Variants in ADARB2 observed in about 807,000 individuals in gnomAD.
The protein encoded by ADARB2 is adenosine deaminase RNA specific B2 (inactive).
A neutral mutation model predicts 62.2 loss-of-function variants in ADARB2; 25 were observed. The ratio of observed to expected loss-of-function variants is 0.40; its 90% CI spans 0.29 to 0.56. The LOEUF (loss-of-function observed/expected upper bound fraction) is 0.56. Among genes scored for constraint, ADARB2 ranks in the 20% least tolerant of loss-of-function variants. ADARB2 has a pLI of 0.43. For synonymous variants in ADARB2, 572 were observed against 500.8 expected (o/e 1.14, Z -1.90); for missense variants, 1,071 against 1,077.4 (o/e 0.99, Z 0.08).
intron 1 of ADARB2, among the ~76,000 whole-genome samples, chr10:1,400,039 G>A (rs1832648690): frequency 6.6e-6 from 1 of 152,218 alleles, no homozygotes. Context: ...CGTGAGGAGC[G>A]AGAATTAGCA....
chr10:1,259,763 C>A (rs1316310044), intron 4 of ADARB2, among the ~76,000 whole-genome samples: 1 of 152,150 alleles, frequency 6.6e-6, no homozygotes, highest in Admixed American at 6.5e-5. Context: ...CTATTCCAAT[C>A]AATAGAAAAA....
At chr10:1,322,777 T>C (rs1831806689) in intron 3 of ADARB2, among the ~76,000 whole-genome samples, 1 of 152,226 alleles carries the variant, frequency 6.6e-6, no homozygotes, top group Non-Finnish European at 1.5e-5. Flanking sequence ...GCATTTATAA[T>C]TATTTCTACC....
intron 1 of ADARB2, among the ~76,000 whole-genome samples, chr10:1,467,621 C>G (rs559062298): frequency 2.3e-4 from 35 of 152,194 alleles, no homozygotes; most frequent in Non-Finnish European, 4.6e-4. Context: ...CCAGCAAAAC[C>G]AGCACACACG....
chr10:1,423,189 C>G (rs1370472791), intron 1 of ADARB2, among the ~76,000 whole-genome samples: 2 of 152,238 alleles, frequency 1.3e-5, no homozygotes, highest in African/African-American at 4.8e-5. Flanking sequence ...CTTCCCAGCC[C>G]TCGCTAAGCT....
intron 1 of ADARB2, among the ~76,000 whole-genome samples, chr10:1,683,525 T>C: frequency 6.6e-6 from 1 of 152,040 alleles, no homozygotes; most frequent in East Asian, 1.9e-4. Flanking sequence ...GGTCAAGGGG[T>C]CCGAAGCAGG....
chr10:1,513,757 G>A (rs1831969363), intron 1 of ADARB2, among the ~76,000 whole-genome samples: 1 of 152,166 alleles, frequency 6.6e-6, no homozygotes, highest in Non-Finnish European at 1.5e-5. Flanking sequence ...CTCTGGGCCG[G>A]TAGAGTTGGA....
chr10:1,580,043 G>C (rs895587078), intron 1 of ADARB2, among the ~76,000 whole-genome samples: 1 of 152,196 alleles, frequency 6.6e-6, no homozygotes, highest in Non-Finnish European at 1.5e-5. Context: ...CGAGGCAGAC[G>C]AGCGAGTCAC....
intron 1 of ADARB2, among the ~76,000 whole-genome samples, chr10:1,475,653 G>C (rs1381688846): frequency 6.6e-6 from 1 of 152,228 alleles, no homozygotes; most frequent in Non-Finnish European, 1.5e-5. Flanking sequence ...ATTTTTTAAA[G>C]TTCAGCCATT....
intron 1 of ADARB2, among the ~76,000 whole-genome samples, chr10:1,590,561 C>T (rs1386023848): frequency 6.6e-6 from 1 of 152,194 alleles, no homozygotes; most frequent in African/African-American, 2.4e-5. Flanking sequence ...TGTCTGTCAT[C>T]GTGGTTCCCC....
chr10:1,518,305 C>T (rs1436108734), intron 1 of ADARB2, among the ~76,000 whole-genome samples: 4 of 152,218 alleles, frequency 2.6e-5, no homozygotes, highest in Non-Finnish European at 5.9e-5. Context: ...CCTGGATGAC[C>T]TGTTCAATTC....
chr10:1,335,627 G>T (rs1268744761), intron 3 of ADARB2, among the ~76,000 whole-genome samples: 1 of 152,186 alleles, frequency 6.6e-6, no homozygotes, highest in Non-Finnish European at 1.5e-5. Context: ...CAAGCCACTG[G>T]TTGGGCTATA....
At chr10:1,412,172 G>A (rs1475447251) in intron 1 of ADARB2, among the ~76,000 whole-genome samples, 2 of 152,278 alleles carry the variant, frequency 1.3e-5, no homozygotes, top group East Asian at 1.9e-4. Context: ...GGCTCGGGAC[G>A]ATGCTGGACG....
intron 3 of ADARB2, among the ~76,000 whole-genome samples, chr10:1,279,049 T>C (rs370398888): frequency 1.2e-4 from 19 of 152,328 alleles, no homozygotes; most frequent in South Asian, 2.1e-4. Flanking sequence ...AGCATTTTTT[T>C]CCCCAACCTT....
intron 3 of ADARB2, among the ~76,000 whole-genome samples, chr10:1,278,963 G>A (rs964622548): frequency 6.6e-6 from 1 of 152,186 alleles, no homozygotes; most frequent in African/African-American, 2.4e-5. Flanking sequence ...ATGGATAAGT[G>A]AAACTCTCAA....
intron 4 of ADARB2, among the ~76,000 whole-genome samples, chr10:1,244,905 C>T (rs987009390): frequency 1.3e-5 from 2 of 152,104 alleles, no homozygotes; most frequent in African/African-American, 4.8e-5. Context: ...CCGTTGGAGC[C>T]CGTAGGAGAT....
intron 1 of ADARB2, among the ~76,000 whole-genome samples, chr10:1,526,090 C>A (rs1286090599): frequency 6.6e-6 from 1 of 152,146 alleles, no homozygotes; most frequent in African/African-American, 2.4e-5. Context: ...CAGGGCATGT[C>A]CTAGGTAGAG....
At chr10:1,590,161 T>G (rs1296717401) in intron 1 of ADARB2, among the ~76,000 whole-genome samples, 2 of 152,186 alleles carry the variant, frequency 1.3e-5, no homozygotes, top group Non-Finnish European at 2.9e-5. Context: ...TCGCAAGGCA[T>G]AGTGGCGCTG....
rs144664644 is a variant in ADARB2, at chr10:1,308,561, C to T, written c.1078-37492G>A. 7.5e-3 allele frequency among the ~76,000 whole-genome samples: 1,145 copies of T among 152,276 alleles called. 6 individuals are homozygous for T. The highest frequency in any genetic ancestry group is 0.02 in the Middle Eastern group (6 of 294). ...CATATGGTCAGAGTATGTTTAGTTT[C>T]ATAAGAAAATGCCACGCTGTCTTCC... On this transcript the variant is annotated intron_variant, in intron 3 of 9. Coordinates refer to ENST00000381312, the MANE Select transcript of ADARB2 (RefSeq NM_018702.4).
intron 1 of ADARB2, among the ~76,000 whole-genome samples, chr10:1,573,092 T>C (rs544680898): frequency 1.3e-5 from 2 of 152,348 alleles, no homozygotes; most frequent in East Asian, 1.9e-4. Context: ...AACAGGGCTT[T>C]GGGCTTCAGT....
Sources: gnomAD v4.1 joint callset for allele counts (sites outside exome capture counted in the v4.1 genomes callset) on GRCh38, gnomAD v4.1.1 for gene constraint, MANE v1.5 for transcripts, NCBI Gene and HGNC (gene_info 2026-07-23, HGNC 2026-07-21) for gene names.